Variants in RTN1 observed in about 807,000 individuals in gnomAD.
RTN1 encodes the protein reticulon 1.
In RTN1, 25 loss-of-function variants were observed where a neutral mutation model predicts 65.5. That is an observed-to-expected ratio of 0.38 (90% CI 0.28 to 0.53). The LOEUF is 0.53. Ranked by LOEUF, RTN1 falls within the 20% of genes least tolerant of loss-of-function variation. RTN1 has a pLI of 0.79. For missense variants in RTN1, 983 were observed against 1,025.4 expected (o/e 0.96, Z 0.57); for synonymous variants, 471 against 447.6 (o/e 1.05, Z -0.66).
chr14:59,837,427 G>A (rs1332249388), intron 1 of RTN1, among the ~76,000 whole-genome samples: 2 of 151,702 alleles, frequency 1.3e-5, no homozygotes, highest in Non-Finnish European at 2.9e-5. Context: ...GAAACAGAAA[G>A]GAAATCAATA....
chr14:59,800,904 T>A (rs972522972), intron 1 of RTN1, among the ~76,000 whole-genome samples: 4 of 151,660 alleles, frequency 2.6e-5, no homozygotes, highest in Admixed American at 6.6e-5. Context: ...GAGTAAAAAA[T>A]TTTTTTAATA....
intron 1 of RTN1, among the ~76,000 whole-genome samples, chr14:59,783,001 A>G (rs1886184847): frequency 6.6e-6 from 1 of 152,130 alleles, no homozygotes; most frequent in Non-Finnish European, 1.5e-5. Flanking sequence ...CACTTTGCAC[A>G]TTTTGCAGAT....
At chr14:59,763,593 C>T (rs1361990458) in intron 1 of RTN1, among the ~76,000 whole-genome samples, 4 of 147,998 alleles carry the variant, frequency 2.7e-5, no homozygotes, top group Admixed American at 6.8e-5. Context: ...AGTGCAGTGG[C>T]ACGATCTCGG....
At chr14:59,625,319 C>A (rs1263457683) in intron 3 of RTN1, among the ~76,000 whole-genome samples, 1 of 152,068 alleles carries the variant, frequency 6.6e-6, no homozygotes, top group African/African-American at 2.4e-5. Context: ...CCTTTCTAAC[C>A]CACAATGAAT....
At chr14:59,751,191 CTTTTTTTTTTT>C (rs34021179) in intron 1 of RTN1, among the ~76,000 whole-genome samples, 3 of 90,796 alleles carry the variant, frequency 3.3e-5, no homozygotes, top group African/African-American at 4.6e-5. Context: ...CTCATTATAC[CTTTTTTTTTTT>C]TTTTTTTTTT....
chr14:59,797,396 G>A lies in RTN1; in HGVS notation c.242-50915C>T, dbSNP rs1220501408. 2.0e-5 allele frequency among the ~76,000 whole-genome samples: 3 copies of A among 152,142 alleles called. 1 individual carries two copies. The highest frequency in any genetic ancestry group is 1.5e-5 in the Non-Finnish European group (1 of 68,016). ...TCAGCTTTGAAAGGAGTCAAAGTGG[G>A]GAACCAGTGGATTCTGATTCTGAAA... On this transcript the variant is annotated intron_variant, in intron 1 of 8. Coordinates refer to ENST00000267484, the MANE Select transcript of RTN1 (RefSeq NM_021136.3).
intron 3 of RTN1, among the ~76,000 whole-genome samples, chr14:59,703,827 T>C (rs539306084): frequency 6.6e-6 from 1 of 152,322 alleles, no homozygotes; most frequent in South Asian, 2.1e-4. Context: ...AAATTTTGGT[T>C]GTTAGCCAAC....
chr14:59,622,153 T>C (rs1040939656), intron 3 of RTN1, among the ~76,000 whole-genome samples: 5 of 152,102 alleles, frequency 3.3e-5, no homozygotes. Flanking sequence ...CTGGCCAACA[T>C]GGTGAAACCC....
chr14:59,708,868 G>GA (rs1308837049), intron 3 of RTN1, among the ~76,000 whole-genome samples: 1 of 152,052 alleles, frequency 6.6e-6, no homozygotes, highest in Non-Finnish European at 1.5e-5. Context: ...AAAATATTGG[G>GA]AAAAAAGAAA....
intron 1 of RTN1, among the ~76,000 whole-genome samples, chr14:59,752,066 G>C (rs544407144): frequency 3.9e-4 from 60 of 152,114 alleles, no homozygotes; most frequent in Non-Finnish European, 7.2e-4. Flanking sequence ...CTTCAACACT[G>C]GATCCTTCCA....
At chr14:59,869,585 G>C (rs1022117384) in intron 1 of RTN1, among the ~76,000 whole-genome samples, 6 of 132,324 alleles carry the variant, frequency 4.5e-5, no homozygotes, top group Admixed American at 1.5e-4. Flanking sequence ...GGGGTGGGGG[G>C]GGGGGGGCGC....
At chr14:59,840,763 A>G (rs779920153) in intron 1 of RTN1, among the ~76,000 whole-genome samples, 1 of 152,162 alleles carries the variant, frequency 6.6e-6, no homozygotes, top group Non-Finnish European at 1.5e-5. Flanking sequence ...TAATTAAAGA[A>G]ATTTTTCATG....
chr14:59,819,561 G>A (rs576757817), intron 1 of RTN1, among the ~76,000 whole-genome samples: 147 of 151,792 alleles, frequency 9.7e-4, no homozygotes, highest in Non-Finnish European at 1.8e-3. Context: ...TGCCAGGGCC[G>A]TGGGTGGAGC....
chr14:59,618,003 C>G (rs1222755405), intron 3 of RTN1, among the ~76,000 whole-genome samples: 3 of 150,342 alleles, frequency 2.0e-5, no homozygotes, highest in Non-Finnish European at 2.9e-5. Flanking sequence ...ACTGAAACGG[C>G]CTTTGCAAAA....
intron 1 of RTN1, among the ~76,000 whole-genome samples, chr14:59,750,209 A>ATT (rs1256259675): frequency 3.4e-5 from 1 of 29,008 alleles, no homozygotes; most frequent in African/African-American, 2.0e-4. Flanking sequence ...TATAATATAT[A>ATT]ATATATATAT....
At chr14:59,685,823 A>G (rs1253973520) in intron 3 of RTN1, among the ~76,000 whole-genome samples, 1 of 152,222 alleles carries the variant, frequency 6.6e-6, no homozygotes, top group Non-Finnish European at 1.5e-5. Context: ...CAAACCAGAA[A>G]TCTGTGTGTG....
At chr14:59,830,272 C>T (rs1010336209) in intron 1 of RTN1, among the ~76,000 whole-genome samples, 2 of 152,182 alleles carry the variant, frequency 1.3e-5, no homozygotes, top group Non-Finnish European at 2.9e-5. Flanking sequence ...TCTTCAGTGC[C>T]AACATTAAAG....
chr14:59,620,639 T>C (rs971326469), intron 3 of RTN1, among the ~76,000 whole-genome samples: 5 of 152,254 alleles, frequency 3.3e-5, no homozygotes, highest in Non-Finnish European at 5.9e-5. Flanking sequence ...GCTTATATTA[T>C]ATTTCTATTA....
intron 1 of RTN1, among the ~76,000 whole-genome samples, chr14:59,844,001 G>A (rs1307901623): frequency 6.6e-6 from 1 of 152,164 alleles, no homozygotes; most frequent in Non-Finnish European, 1.5e-5. Context: ...CCATGAAAAA[G>A]GCTGCTTTGA....
Sources: gnomAD v4.1 joint callset for allele counts (sites outside exome capture counted in the v4.1 genomes callset) on GRCh38, gnomAD v4.1.1 for gene constraint, MANE v1.5 for transcripts, NCBI Gene and HGNC (gene_info 2026-07-23, HGNC 2026-07-21) for gene names.